Variants in MAN1A2 observed in about 807,000 individuals in gnomAD.
MAN1A2 encodes the protein mannosidase alpha class 1A member 2.
MAN1A2 carries 26 observed loss-of-function variants against 75.7 expected under a neutral mutation model. The observed-to-expected ratio is 0.34, with a 90% CI of 0.25 to 0.48. The LOEUF is 0.48. Among genes scored for constraint, MAN1A2 ranks in the 20% least tolerant of loss-of-function variants. The pLI, the probability that MAN1A2 is intolerant of heterozygous loss-of-function variation, is 0.99. For missense variants in MAN1A2, 562 were observed against 775.5 expected (o/e 0.72, Z 3.27); for synonymous variants, 247 against 264.6 (o/e 0.93, Z 0.65).
At chr1:117,368,508 G>A (rs1395109578) in intron 1 of MAN1A2, 23 bp downstream of exon 1, 1 of 1,570,578 alleles carries the variant, frequency 6.4e-7, no homozygotes, top group East Asian at 2.2e-5. Flanking sequence ...CAGAAGTTCT[G>A]GTACTAACAT....
At chr1:117,458,521 A>ATTTTTTTTTTTTT (rs1409683905) in intron 6 of MAN1A2, among the ~76,000 whole-genome samples, 6 of 94,328 alleles carry the variant, frequency 6.4e-5, no homozygotes, top group Non-Finnish European at 1.3e-4. Context: ...AGATATATAT[A>ATTTTTTTTTTTTT]TATTTTTTTT....
intron 3 of MAN1A2, among the ~76,000 whole-genome samples, chr1:117,408,400 G>T (rs1324233693): frequency 1.3e-5 from 2 of 151,192 alleles, no homozygotes; most frequent in Admixed American, 6.6e-5. Context: ...GCATGTAGAA[G>T]AAATTATTTT....
chr1:117,491,360 T>G lies in MAN1A2; in HGVS notation c.1169-1787T>G, dbSNP rs561826718. On this transcript the variant is annotated intron_variant, in intron 8 of 12. Coordinates refer to ENST00000356554, the MANE Select transcript of MAN1A2 (RefSeq NM_006699.5). The stretch of plus-strand genomic sequence containing the variant: ...CCTCTAAGAATTTTGTTACATCTAC[T>G]CCCTGTGTGGTCTGTAAATGGAACA... Among the ~76,000 whole-genome samples the G allele has an allele frequency of 2.6e-5, 4 of 152,162 alleles. No individual in the cohort carries two copies. The East Asian group carries it at 7.8e-4, about 30-fold the overall frequency.
chr1:117,482,908 A>G (rs936419540), intron 8 of MAN1A2, among the ~76,000 whole-genome samples: 4 of 152,064 alleles, frequency 2.6e-5, no homozygotes, highest in African/African-American at 9.7e-5. Flanking sequence ...TCTTGAATTA[A>G]TTTTTGTATG....
intron 8 of MAN1A2, among the ~76,000 whole-genome samples, chr1:117,485,259 A>G (rs3767798): frequency 0.22 from 32,907 of 151,952 alleles, 4,659 homozygotes; most frequent in East Asian, 0.42. Context: ...AAGCATGTAT[A>G]GTATTAACTA....
At chr1:117,385,477 A>G (rs994803057) in intron 1 of MAN1A2, among the ~76,000 whole-genome samples, 1 of 152,170 alleles carries the variant, frequency 6.6e-6, no homozygotes, top group African/African-American at 2.4e-5. Flanking sequence ...CATCTACACC[A>G]TATTCAGAGT....
intron 8 of MAN1A2, among the ~76,000 whole-genome samples, chr1:117,474,207 G>A (rs1028225529): frequency 7.9e-5 from 12 of 151,926 alleles, no homozygotes; most frequent in African/African-American, 2.9e-4. Context: ...ATATATATAT[G>A]TATACTTTTC....
intron 1 of MAN1A2, among the ~76,000 whole-genome samples, chr1:117,370,737 TAG>T (rs1491531052): frequency 1.6e-4 from 7 of 43,882 alleles, no homozygotes; most frequent in Admixed American, 5.4e-4. Flanking sequence ...TATCTTCATT[TAG>T]TGTGTGTGTG....
chr1:117,425,621 C>T (rs1305041313), intron 5 of MAN1A2, among the ~76,000 whole-genome samples: 2 of 152,124 alleles, frequency 1.3e-5, no homozygotes, highest in Non-Finnish European at 2.9e-5. Context: ...ATTACATAAC[C>T]ACAGAAACAT....
At chr1:117,392,679 A>C (rs988195019) in intron 1 of MAN1A2, among the ~76,000 whole-genome samples, 1 of 148,098 alleles carries the variant, frequency 6.8e-6, no homozygotes, top group Non-Finnish European at 1.5e-5. Flanking sequence ...CCATAAACGC[A>C]AACTGAAATC....
intron 8 of MAN1A2, among the ~76,000 whole-genome samples, chr1:117,481,679 A>G (rs1650500750): frequency 6.6e-6 from 1 of 151,984 alleles, no homozygotes; most frequent in South Asian, 2.1e-4. Context: ...GCTCTGCTTC[A>G]TGTGGTCTCA....
chr1:117,451,084 G>T (rs1051382622), intron 6 of MAN1A2, among the ~76,000 whole-genome samples: 3 of 152,208 alleles, frequency 2.0e-5, no homozygotes, highest in Non-Finnish European at 4.4e-5. Context: ...GCCAGTTCAG[G>T]CACCCAGGAG....
At chr1:117,377,599 G>C (rs1442465260) in intron 1 of MAN1A2, among the ~76,000 whole-genome samples, 1 of 152,142 alleles carries the variant, frequency 6.6e-6, no homozygotes, top group Non-Finnish European at 1.5e-5. Flanking sequence ...ATGACATATT[G>C]TAAGTGACCT....
chr1:117,397,992 T>C (rs1647259087), intron 1 of MAN1A2, among the ~76,000 whole-genome samples: 1 of 152,146 alleles, frequency 6.6e-6, no homozygotes, highest in East Asian at 1.9e-4. Context: ...TGATGGTATA[T>C]AGACTTTGTA....
At chr1:117,415,586 T>C (rs1032862733) in intron 4 of MAN1A2, among the ~76,000 whole-genome samples, 10 of 152,192 alleles carry the variant, frequency 6.6e-5, no homozygotes, top group African/African-American at 2.4e-4. Flanking sequence ...AGAACAATTT[T>C]TATTATCAAT....
intron 7 of MAN1A2, among the ~76,000 whole-genome samples, chr1:117,461,216 A>G (rs1031328798): frequency 3.9e-5 from 6 of 152,186 alleles, no homozygotes; most frequent in Non-Finnish European, 7.4e-5. Context: ...TTACTCAGCC[A>G]TGGAAAAGAA....
intron 6 of MAN1A2, among the ~76,000 whole-genome samples, chr1:117,448,398 T>C (rs1250269441): frequency 6.6e-6 from 1 of 152,186 alleles, no homozygotes; most frequent in Non-Finnish European, 1.5e-5. Context: ...GAGAAAAATC[T>C]GTTCATAGAA....
At chr1:117,409,608 G>A (rs1647741613) in intron 3 of MAN1A2, among the ~76,000 whole-genome samples, 1 of 152,022 alleles carries the variant, frequency 6.6e-6, no homozygotes, top group Non-Finnish European at 1.5e-5. Context: ...TGTTCAGGCT[G>A]TCTCTATCTT....
intron 5 of MAN1A2, 65 bp downstream of exon 5, chr1:117,420,714 C>A: frequency 2.6e-6 from 3 of 1,161,928 alleles, no homozygotes; most frequent in Non-Finnish European, 3.9e-6. Context: ...ATAAAATGAA[C>A]AATTTCCCTA....
Sources: allele counts gnomAD v4.1 joint callset (sites outside exome capture counted in the v4.1 genomes callset), GRCh38; gene constraint gnomAD v4.1.1; transcripts MANE v1.5; gene names NCBI Gene and HGNC (gene_info 2026-07-23, HGNC 2026-07-21).